Variants in CORO7 observed in about 807,000 individuals in gnomAD.
The protein encoded by CORO7 is coronin-7.
A neutral mutation model predicts 126.6 loss-of-function variants in CORO7; 107 were observed. The observed-to-expected ratio is 0.85, with a 90% CI of 0.72 to 0.99. The LOEUF (loss-of-function observed/expected upper bound fraction) is 0.99. CORO7 is among the 50% of genes least tolerant of loss of function. CORO7 has a pLI of 0.00. For synonymous variants in CORO7, 603 were observed against 536.8 expected (o/e 1.12, Z -1.70); for missense variants, 1,314 against 1,255.8 (o/e 1.05, Z -0.70).
In CORO7 at chr16:4,407,289, AAC is replaced by A. The variant is rs2056036969; in HGVS notation, c.487+210_487+211del. On this transcript the variant is annotated intron_variant, in intron 5 of 27. Transcript: ENST00000251166. The stretch of plus-strand genomic sequence containing the variant: ...GAGAAAAACAACAGAAAAAAAAAAA[AAC>A]AGGTAAGAGGATGAAACTGATGGCT... 2.0e-5 allele frequency among the ~76,000 whole-genome samples: 3 copies of A among 152,246 alleles called. No individual in the cohort carries two copies. In the East Asian group the frequency reaches 5.8e-4, roughly 29 times the overall value.
At chr16:4,382,357 C>T (rs776826030) in intron 9 of CORO7, 2 of 1,612,062 alleles carry the variant, frequency 1.2e-6, no homozygotes, top group Admixed American at 1.7e-5. Flanking sequence ...GCTCAGGAGC[C>T]TCCGTCTCAC....
At chr16:4,390,154 G>C (rs1047888222) in intron 7 of CORO7, among the ~76,000 whole-genome samples, 1 of 152,204 alleles carries the variant, frequency 6.6e-6, no homozygotes, top group Admixed American at 6.5e-5. Flanking sequence ...TGCATGCCAT[G>C]GGGGAGCCGC....
intron 3 of CORO7, among the ~76,000 whole-genome samples, chr16:4,409,990 T>C (rs561744892): frequency 5.4e-4 from 83 of 152,296 alleles, no homozygotes; most frequent in South Asian, 3.1e-3. Flanking sequence ...CTCTGAACAG[T>C]TGCAGCCACA....
chr16:4,383,712 G>A (rs529378823), intron 9 of CORO7, among the ~76,000 whole-genome samples: 2 of 152,206 alleles, frequency 1.3e-5, no homozygotes, highest in African/African-American at 4.8e-5. Context: ...TGGGAGCAGG[G>A]CTGCCTCTGG....
chr16:4,357,935 C>A (rs202129042), intron 25 of CORO7, 33 bp downstream of exon 25: 1 of 1,576,534 alleles, frequency 6.3e-7, no homozygotes, highest in African/African-American at 1.4e-5. Context: ...ACCCCCATCC[C>A]GCTTCCTCCC....
chr16:4,365,685 G>A (rs938960162), intron 9 of CORO7, 140 bp from the exon 10 acceptor site: 1 of 1,143,340 alleles, frequency 8.7e-7, no homozygotes, highest in Non-Finnish European at 1.2e-6. Context: ...TGGTCCCCAG[G>A]AACCCCCTCC....
rs763450412 is a variant in CORO7, at chr16:4,413,369, A to G, written c.96T>C (p.Pro32=). Residue 32 remains proline, a synonymous_variant, in exon 2 of 28, where the codon CCT becomes CCC. Coordinates refer to ENST00000251166, the MANE Select transcript of CORO7 (RefSeq NM_024535.5). ...TTGATTTGATGTGGTTCCTGCATGA[A>G]GGGGCGGTTCCTGCTCGAATGTCAC... The part of the protein sequence containing the change: ...WISDIRAGTA[P]SCRNHIKSSC... The G allele has an allele frequency of 6.3e-7, 1 of 1,584,842 alleles. No homozygotes were observed. The highest frequency in any genetic ancestry group is 8.6e-7 in the Non-Finnish European group (1 of 1,164,374).
Position 4,413,570 on chromosome 16 carries a change from C to T in CORO7, c.61-166G>A, listed in dbSNP as rs957748903. The T allele has an allele frequency of 3.5e-5, 21 of 601,126 alleles. 1 individual carries two copies. The African/African-American group carries it at 4.0e-4, about 12-fold the overall frequency. The allele number at this position is 601,126 out of a possible 1,614,324, so 37.2% of individuals were successfully genotyped here. A position where few individuals can be genotyped will look rare whatever the true frequency, so the allele number is the denominator to read the frequency against. On this transcript the variant is annotated intron_variant, in intron 1 of 27. Coordinates refer to ENST00000251166, the MANE Select transcript of CORO7 (RefSeq NM_024535.5). Reference sequence around the variant, plus strand: ...TTTTTCTTTTTGAGACAGGGTCTCACTCTGTCACCCAGGCTAGAGTGCAGT... The same window carrying T: ...TTTTTCTTTTTGAGACAGGGTCTCATTCTGTCACCCAGGCTAGAGTGCAGT...
intron 8 of CORO7, 80 bp from the exon 9 acceptor site, chr16:4,388,148 T>C: frequency 3.9e-6 from 6 of 1,534,134 alleles, no homozygotes; most frequent in Non-Finnish European, 5.3e-6. Flanking sequence ...AACCAGCGCC[T>C]GAGGGTGCAG....
Position 4,395,333 on chromosome 16 carries a change from G to C in CORO7, c.571C>G (p.Gln191Glu). ...ALVGTACKDKQLRIFDPRTKP... is the reference protein window; with the variant it reads ...ALVGTACKDKELRIFDPRTKP... ...GTTCTGGGGTCAAAGATCCGCAGCT[G>C]CTTGTCCTGGAAAAGCAGAGAGGAG... Residue 191 changes from glutamine to glutamate, a missense_variant, in exon 7 of 28, where the codon CAG becomes GAG. By Grantham distance (29) the Gln-to-Glu change is conservative. Transcript: ENST00000251166. 6.2e-7 allele frequency: 1 copy of C among 1,614,058 alleles called. No individual in the cohort carries two copies. Among genetic ancestry groups the C allele is most frequent in the African/African-American group, 1.3e-5 (1 of 75,054 alleles).
At chr16:4,403,065 C>A (rs114766532) in intron 6 of CORO7, among the ~76,000 whole-genome samples, 2,351 of 152,208 alleles carry the variant, frequency 0.015, 63 homozygotes, top group African/African-American at 0.054. Context: ...CATGACCCCC[C>A]ACCCCCATCC....
chr16:4,396,754 G>A lies in CORO7; in HGVS notation c.565-1415C>T, dbSNP rs988253673. On this transcript the variant is annotated intron_variant, in intron 6 of 27. Coordinates refer to ENST00000251166, the MANE Select transcript of CORO7 (RefSeq NM_024535.5). ...CCACCAGCCAGGCATGGTGGCTCACGCCTGTAATCCCAGCACTTTGCGAGG... is the reference window on the plus strand; with the variant it reads ...CCACCAGCCAGGCATGGTGGCTCACACCTGTAATCCCAGCACTTTGCGAGG... 5.3e-5 allele frequency among the ~76,000 whole-genome samples: 8 copies of A among 152,026 alleles called. No individual in the cohort carries two copies. The East Asian group carries it at 9.7e-4, about 18-fold the overall frequency.
chr16:4,358,534 T>C, intron 23 of CORO7, 51 bp from the exon 24 acceptor site: 1 of 1,520,354 alleles, frequency 6.6e-7, no homozygotes, highest in South Asian at 1.2e-5. Flanking sequence ...AGCTCATGGC[T>C]GGGCACGTAG....
At chr16:4,405,698 C>G in intron 5 of CORO7, 131 bp from the exon 6 acceptor site, 1 of 1,072,652 alleles carries the variant, frequency 9.3e-7, no homozygotes, top group Non-Finnish European at 1.3e-6. Context: ...GCCAAGGGGG[C>G]AAGGGCAGCA....
chr16:4,413,095 C>A (rs980567779), intron 2 of CORO7, among the ~76,000 whole-genome samples: 2 of 152,138 alleles, frequency 1.3e-5, no homozygotes, highest in South Asian at 2.1e-4. Context: ...GTGGTTTGTA[C>A]ACACATATGT....
intron 6 of CORO7, among the ~76,000 whole-genome samples, chr16:4,404,911 T>A (rs149187332): frequency 6.6e-6 from 1 of 151,992 alleles, no homozygotes; most frequent in Non-Finnish European, 1.5e-5. Context: ...CTTTAACACT[T>A]CATTGCCTTC....
intron 7 of CORO7, among the ~76,000 whole-genome samples, chr16:4,389,677 G>GC: frequency 6.6e-6 from 1 of 152,310 alleles, no homozygotes; most frequent in East Asian, 1.9e-4. Flanking sequence ...GAGAACCAAG[G>GC]CCCCACTGCC....
At chr16:4,403,063 C>A (rs1308126768) in intron 6 of CORO7, among the ~76,000 whole-genome samples, 1 of 152,088 alleles carries the variant, frequency 6.6e-6, no homozygotes, top group Admixed American at 6.5e-5. Context: ...CCCATGACCC[C>A]CCACCCCCAT....
In CORO7 at chr16:4,355,297, C is replaced by T. The variant is rs374448017; in HGVS notation, c.2761G>A (p.Glu921Lys). The T allele has an allele frequency of 5.0e-6, 8 of 1,613,466 alleles. No individual in the cohort carries two copies. Among genetic ancestry groups the T allele is most frequent in the East Asian group, 2.2e-5 (1 of 44,868 alleles). ...CACTCACTACTCACCCACTCGTCCT[C>T]GTCCACGCCTTCAAAGGAGTCCTGG... is the stretch of plus-strand genomic sequence containing the variant. ...LPQDSFEGVD[E>K]DEWD The change falls in exon 27 of 28, where the codon GAG (glutamate) becomes AAG (lysine). Residue 921 changes from glutamate to lysine, a missense_variant. Transcript: ENST00000251166.
Sources: allele counts gnomAD v4.1 joint callset (sites outside exome capture counted in the v4.1 genomes callset), GRCh38; gene constraint gnomAD v4.1.1; transcripts MANE v1.5; gene names NCBI Gene and HGNC (gene_info 2026-07-23, HGNC 2026-07-21).